The following SH3GL2 variants were observed in gnomAD, a reference collection of about 807,000 sequenced individuals.
SH3GL2 encodes the protein endophilin-A1.
In SH3GL2, 24 loss-of-function variants were observed where a neutral mutation model predicts 46.0. The ratio of observed to expected loss-of-function variants is 0.52; its 90% CI spans 0.38 to 0.73. SH3GL2 has a LOEUF of 0.73. Ranked by LOEUF, SH3GL2 falls within the 30% of genes least tolerant of loss-of-function variation. The pLI is 0.00. For missense variants in SH3GL2, 413 were observed against 424.2 expected (o/e 0.97, Z 0.23); for synonymous variants, 196 against 147.1 (o/e 1.33, Z -2.40).
chr9:17,624,996 G>T (rs539015624), intron 1 of SH3GL2, among the ~76,000 whole-genome samples: 3 of 152,282 alleles, frequency 2.0e-5, no homozygotes, highest in South Asian at 4.2e-4. Flanking sequence ...GATGAAAATT[G>T]TTCTTCTATT....
intron 1 of SH3GL2, among the ~76,000 whole-genome samples, chr9:17,685,905 C>G (rs1820894213): frequency 6.6e-6 from 1 of 151,698 alleles, no homozygotes; most frequent in Middle Eastern, 3.4e-3. Context: ...GTCTAAAACA[C>G]CAAAAGCAAT....
At chr9:17,631,674 T>C (rs895861213) in intron 1 of SH3GL2, among the ~76,000 whole-genome samples, 3 of 152,174 alleles carry the variant, frequency 2.0e-5, no homozygotes, top group African/African-American at 7.2e-5. Context: ...CATAGTATTT[T>C]GGGTTCAGTG....
At chr9:17,788,316 A>G (rs1824020810) in intron 5 of SH3GL2, among the ~76,000 whole-genome samples, 2 of 152,138 alleles carry the variant, frequency 1.3e-5, no homozygotes, top group African/African-American at 2.4e-5. Flanking sequence ...CTATAGCTCA[A>G]ATGTTTAAAA....
At chr9:17,666,258 A>G (rs1337120711) in intron 1 of SH3GL2, among the ~76,000 whole-genome samples, 2 of 151,958 alleles carry the variant, frequency 1.3e-5, no homozygotes, top group East Asian at 1.9e-4. Context: ...AGTAAAGTTC[A>G]TATGTTTCTG....
intron 1 of SH3GL2, among the ~76,000 whole-genome samples, chr9:17,614,401 G>A (rs1437516272): frequency 1.3e-5 from 2 of 150,520 alleles, no homozygotes; most frequent in African/African-American, 4.9e-5. Context: ...GGGAAAGATT[G>A]GATTGAGCCC....
intron 1 of SH3GL2, among the ~76,000 whole-genome samples, chr9:17,740,727 G>C (rs1361853613): frequency 6.6e-6 from 1 of 152,018 alleles, no homozygotes; most frequent in Non-Finnish European, 1.5e-5. Context: ...TGTGAAATCA[G>C]TTTAAAATTC....
chr9:17,694,384 A>G (rs1023401658), intron 1 of SH3GL2, among the ~76,000 whole-genome samples: 1 of 152,122 alleles, frequency 6.6e-6, no homozygotes, highest in Non-Finnish European at 1.5e-5. Flanking sequence ...TTTAATGCTA[A>G]TAAGTAAGTG....
At chr9:17,774,958 T>C (rs1190280669) in intron 3 of SH3GL2, among the ~76,000 whole-genome samples, 1 of 152,210 alleles carries the variant, frequency 6.6e-6, no homozygotes, top group Non-Finnish European at 1.5e-5. Context: ...TCAATCTTCT[T>C]ACTAATGATA....
intron 1 of SH3GL2, among the ~76,000 whole-genome samples, chr9:17,653,362 A>T (rs182512016): frequency 6.6e-6 from 1 of 151,996 alleles, no homozygotes; most frequent in African/African-American, 2.4e-5. Flanking sequence ...ACTTTCCTCT[A>T]TTCTTTTGAG....
At position 17,627,007 on chromosome 9, in the gene SH3GL2, G is replaced by A. The variant is rs1819297063; in HGVS notation, c.45+47720G>A. Among the ~76,000 whole-genome samples the A allele has an allele frequency of 2.0e-5, 3 of 152,098 alleles. No homozygotes were observed. The South Asian group carries it at 6.2e-4, about 31-fold the overall frequency. ...AACCTCCACTTTCTGTCAGGCCCTG[G>A]TCGTGTGCTGGATGTACCTCTCCTC... On this transcript the variant is annotated intron_variant, in intron 1 of 8. Coordinates refer to ENST00000380607, the MANE Select transcript of SH3GL2 (RefSeq NM_003026.5).
chr9:17,626,430 G>C (rs1411890596), intron 1 of SH3GL2, among the ~76,000 whole-genome samples: 1 of 152,198 alleles, frequency 6.6e-6, no homozygotes, highest in Non-Finnish European at 1.5e-5. Context: ...TAAGGTCCTA[G>C]TTGGACTGTG....
At chr9:17,594,677 C>A (rs192142437) in intron 1 of SH3GL2, among the ~76,000 whole-genome samples, 44 of 152,080 alleles carry the variant, frequency 2.9e-4, no homozygotes, top group African/African-American at 1.1e-3. Context: ...TGTGTTGTAC[C>A]TCTGTGAAGT....
At chr9:17,617,127 G>C (rs1418131727) in intron 1 of SH3GL2, among the ~76,000 whole-genome samples, 6 of 152,090 alleles carry the variant, frequency 3.9e-5, no homozygotes, top group Non-Finnish European at 8.8e-5. Flanking sequence ...GATTATTTCA[G>C]TACACCAAGA....
At chr9:17,691,362 T>C (rs749316179) in intron 1 of SH3GL2, among the ~76,000 whole-genome samples, 29 of 152,198 alleles carry the variant, frequency 1.9e-4, no homozygotes, top group Non-Finnish European at 3.2e-4. Flanking sequence ...TGGAAAGATG[T>C]GTTTTGTGTG....
At chr9:17,712,949 G>A (rs149517707) in intron 1 of SH3GL2, among the ~76,000 whole-genome samples, 14 of 148,916 alleles carry the variant, frequency 9.4e-5, no homozygotes, top group Middle Eastern at 3.5e-3. Context: ...CATTCTTGCC[G>A]TGTTCCTGAT....
intron 3 of SH3GL2, among the ~76,000 whole-genome samples, chr9:17,778,698 A>C (rs1823715216): frequency 6.6e-6 from 1 of 152,154 alleles, no homozygotes; most frequent in South Asian, 2.1e-4. Context: ...GCTTATTTTA[A>C]TAATCCAGGC....
intron 1 of SH3GL2, among the ~76,000 whole-genome samples, chr9:17,618,027 G>A (rs1819046079): frequency 6.6e-6 from 1 of 152,138 alleles, no homozygotes; most frequent in African/African-American, 2.4e-5. Context: ...AAAATAAGCT[G>A]CACTACAGCA....
chr9:17,758,633 A>G (rs1238557500), intron 2 of SH3GL2, among the ~76,000 whole-genome samples: 3 of 149,640 alleles, frequency 2.0e-5, no homozygotes, highest in Admixed American at 6.7e-5. Flanking sequence ...TGGATTTGCC[A>G]AAAGTGGGTC....
At chr9:17,651,239 T>C (rs1588206361) in intron 1 of SH3GL2, among the ~76,000 whole-genome samples, 1 of 152,180 alleles carries the variant, frequency 6.6e-6, no homozygotes, top group Non-Finnish European at 1.5e-5. Flanking sequence ...TTTGTTAAGC[T>C]TCCTCAAATT....
Sources: gnomAD v4.1 joint callset for allele counts (sites outside exome capture counted in the v4.1 genomes callset) on GRCh38, gnomAD v4.1.1 for gene constraint, MANE v1.5 for transcripts, NCBI Gene and HGNC (gene_info 2026-07-23, HGNC 2026-07-21) for gene names.